The following THADA variants were observed in gnomAD, a reference collection of about 807,000 sequenced individuals.
THADA encodes the protein THADA armadillo repeat containing.
A neutral mutation model predicts 219.8 loss-of-function variants in THADA; 213 were observed. That is an observed-to-expected ratio of 0.97 (90% CI 0.87 to 1.09). The LOEUF is 1.09. Ranked by LOEUF, THADA falls within the 50% of genes least tolerant of loss-of-function variation. The probability of loss-of-function intolerance (pLI) is 0.00; values close to 1 mark genes in which losing one functional copy is unlikely to be tolerated. For missense variants in THADA, 2,956 were observed against 2,311.3 expected, an observed-to-expected ratio of 1.28 and a Z score of -5.72; for synonymous variants, 1,018 against 828.9, an observed-to-expected ratio of 1.23 and a Z score of -3.92.
chr2:43,346,421 A>G (rs939057923), intron 29 of THADA, among the ~76,000 whole-genome samples: 1 of 152,248 alleles, frequency 6.6e-6, no homozygotes, highest in African/African-American at 2.4e-5. Flanking sequence ...GGCAGCTCCC[A>G]AGAAGGGCAA....
chr2:43,246,302 C>T (rs1471913821), intron 36 of THADA, among the ~76,000 whole-genome samples: 1 of 152,156 alleles, frequency 6.6e-6, no homozygotes, highest in Non-Finnish European at 1.5e-5. Flanking sequence ...TGAGACCAGC[C>T]TGGCCAACAT....
chr2:43,237,004 G>A (rs556354211), intron 36 of THADA, among the ~76,000 whole-genome samples: 93 of 150,730 alleles, frequency 6.2e-4, no homozygotes, highest in African/African-American at 2.2e-3. Flanking sequence ...CCCGGGAGGC[G>A]GAGCTTGCAG....
intron 30 of THADA, among the ~76,000 whole-genome samples, chr2:43,337,784 C>G (rs1558603167): frequency 6.6e-6 from 1 of 152,046 alleles, no homozygotes; most frequent in African/African-American, 2.4e-5. Flanking sequence ...GGGAAACAAA[C>G]TGTATGCCAG....
chr2:43,250,319 A>G (rs900173230), intron 36 of THADA, among the ~76,000 whole-genome samples: 2 of 152,248 alleles, frequency 1.3e-5, no homozygotes, highest in Admixed American at 1.3e-4. Context: ...GGTCATATAT[A>G]AATCCATTTA....
At chr2:43,404,346 C>T (rs1675263429) in intron 28 of THADA, among the ~76,000 whole-genome samples, 2 of 151,736 alleles carry the variant, frequency 1.3e-5, no homozygotes, top group South Asian at 4.2e-4. Context: ...TTGGGTGCCA[C>T]CAGGCCTAGC....
intron 31 of THADA, among the ~76,000 whole-genome samples, chr2:43,306,069 C>G (rs1288677040): frequency 6.6e-6 from 1 of 151,774 alleles, no homozygotes; most frequent in African/African-American, 2.4e-5. Context: ...TCACTGCAGC[C>G]TTCCCGGGCT....
At chr2:43,273,362 G>A (rs1252547300) in intron 36 of THADA, among the ~76,000 whole-genome samples, 2 of 152,184 alleles carry the variant, frequency 1.3e-5, no homozygotes, top group African/African-American at 4.8e-5. Context: ...AGATAGGTAG[G>A]AGGATATATT....
intron 36 of THADA, among the ~76,000 whole-genome samples, chr2:43,279,556 C>G (rs936175566): frequency 6.6e-6 from 1 of 152,202 alleles, no homozygotes; most frequent in African/African-American, 2.4e-5. Context: ...ATCTGAGAAG[C>G]TGCCTATTTT....
At chr2:43,253,834 C>G (rs909866273) in intron 36 of THADA, among the ~76,000 whole-genome samples, 2 of 152,074 alleles carry the variant, frequency 1.3e-5, no homozygotes, top group Non-Finnish European at 2.9e-5. Flanking sequence ...CTTATTTGCT[C>G]AAAAATCTTT....
chr2:43,477,753 T>C (rs1484818263), intron 26 of THADA, among the ~76,000 whole-genome samples: 1 of 152,252 alleles, frequency 6.6e-6, no homozygotes, highest in Admixed American at 6.5e-5. Context: ...ACAGTGCCTA[T>C]GCAGACTAAG....
intron 36 of THADA, among the ~76,000 whole-genome samples, chr2:43,237,694 C>T (rs13005438): frequency 0.25 from 37,655 of 151,794 alleles, 6,130 homozygotes; most frequent in Middle Eastern, 0.36. Context: ...CCACCACGCC[C>T]GGCCTTGAGC....
rs138272914 is a variant in THADA at position 43,421,701 on chromosome 2, G to A, written c.4058+6399C>T. Among the ~76,000 whole-genome samples the A allele has an allele frequency of 5.2e-3, 788 of 152,318 alleles. 6 individuals are homozygous for A. The highest frequency in any genetic ancestry group is 0.016 in the African/African-American group (661 of 41,564). On this transcript the variant is annotated intron_variant, in intron 28 of 37. Coordinates refer to ENST00000405975, the MANE Select transcript of THADA (RefSeq NM_022065.5). ...AAAAATACAGGAACCACAAAAAAAG[G>A]TAATTAAATTAATAAAGAATGCTTT...
chr2:43,429,023 T>C (rs1313924704), intron 27 of THADA, among the ~76,000 whole-genome samples: 1 of 152,190 alleles, frequency 6.6e-6, no homozygotes, highest in East Asian at 1.9e-4. Context: ...TCATACCAAG[T>C]GCAAAATTAT....
intron 17 of THADA, among the ~76,000 whole-genome samples, chr2:43,554,644 A>G (rs1444107395): frequency 1.3e-5 from 2 of 152,196 alleles, no homozygotes; most frequent in Non-Finnish European, 2.9e-5. Flanking sequence ...TTAAAATCTG[A>G]CAATAGCAAA....
chr2:43,516,630 A>G (rs1691758738), intron 22 of THADA, among the ~76,000 whole-genome samples: 1 of 152,144 alleles, frequency 6.6e-6, no homozygotes, highest in Non-Finnish European at 1.5e-5. Flanking sequence ...GACGGAAGCT[A>G]AATAATTTGC....
intron 20 of THADA, among the ~76,000 whole-genome samples, chr2:43,548,785 A>C (rs889916754): frequency 2.0e-5 from 3 of 152,164 alleles, no homozygotes; most frequent in African/African-American, 7.2e-5. Flanking sequence ...CCTTTCTTTG[A>C]CTAGGAAAGG....
chr2:43,355,830 T>C (rs1446093444), intron 29 of THADA, among the ~76,000 whole-genome samples: 1 of 152,208 alleles, frequency 6.6e-6, no homozygotes, highest in Non-Finnish European at 1.5e-5. Flanking sequence ...TGAAACAAAA[T>C]TAGCCATCGA....
chr2:43,393,163 G>T (rs944361066), intron 29 of THADA, among the ~76,000 whole-genome samples: 1 of 152,052 alleles, frequency 6.6e-6, no homozygotes, highest in Non-Finnish European at 1.5e-5. Flanking sequence ...AGAGGGGAGG[G>T]TACAATATAC....
Position 43,552,069 on chromosome 2 carries a change from A to T in THADA, c.2810+135T>A. 4 of 1,517,108 alleles carry T rather than the reference A, an allele frequency of 2.6e-6. No homozygotes were observed. In the South Asian group the frequency reaches 5.1e-5, roughly 19 times the overall value. 94.0% of individuals were successfully genotyped at this position (1,517,108 alleles called of 1,614,324 possible). On this transcript the variant is annotated intron_variant, in intron 18 of 37. Coordinates refer to ENST00000405975, the MANE Select transcript of THADA (RefSeq NM_022065.5). ...GACATAAAAATATACACAGATACGT[A>T]TGTTTTTAAATCTGATTTTCAATTT...
Sources: allele counts gnomAD v4.1 joint callset (sites outside exome capture counted in the v4.1 genomes callset), GRCh38; gene constraint gnomAD v4.1.1; transcripts MANE v1.5; gene names NCBI Gene and HGNC (gene_info 2026-07-23, HGNC 2026-07-21).